Variants in ATRNL1 observed in about 807,000 individuals in gnomAD.
ATRNL1 encodes attractin like 1.
In ATRNL1, 95 loss-of-function variants were observed where a neutral mutation model predicts 182.7. The ratio of observed to expected loss-of-function variants is 0.52; its 90% CI spans 0.44 to 0.62. The LOEUF is 0.62. Among genes scored for constraint, ATRNL1 ranks in the 20% least tolerant of loss-of-function variants. The pLI is 0.00. For synonymous variants in ATRNL1, 576 were observed against 568.3 expected, an observed-to-expected ratio of 1.01 and a Z score of -0.19; for missense variants, 1,471 against 1,679.5, an observed-to-expected ratio of 0.88 and a Z score of 2.17.
intron 18 of ATRNL1, among the ~76,000 whole-genome samples, chr10:115,321,288 C>G (rs1221436372): frequency 6.6e-6 from 1 of 152,052 alleles, no homozygotes; most frequent in South Asian, 2.1e-4. Context: ...GGATCTCTGA[C>G]CTTGAGGGTC....
intron 27 of ATRNL1, among the ~76,000 whole-genome samples, chr10:115,775,945 T>G (rs1949113596): frequency 9.4e-6 from 1 of 106,594 alleles, no homozygotes; most frequent in African/African-American, 3.8e-5. Context: ...GCAATGAGAG[T>G]GAAACTCCAT....
At chr10:115,640,384 C>T (rs782632686) in intron 26 of ATRNL1, among the ~76,000 whole-genome samples, 1 of 152,182 alleles carries the variant, frequency 6.6e-6, no homozygotes, top group Non-Finnish European at 1.5e-5. Flanking sequence ...CTAATTTACA[C>T]TCCCACCAAC....
chr10:115,610,386 C>A (rs906911653), intron 26 of ATRNL1, among the ~76,000 whole-genome samples: 7 of 151,584 alleles, frequency 4.6e-5, no homozygotes, highest in African/African-American at 1.7e-4. Context: ...TCTATGACTA[C>A]AAAAAAAAGC....
At chr10:115,348,453 TAA>T (rs1170296374) in intron 19 of ATRNL1, among the ~76,000 whole-genome samples, 1 of 152,214 alleles carries the variant, frequency 6.6e-6, no homozygotes, top group Non-Finnish European at 1.5e-5. Flanking sequence ...ATAACATCAA[TAA>T]GTTTAGTATT....
At chr10:115,637,887 G>C (rs55672619) in intron 26 of ATRNL1, among the ~76,000 whole-genome samples, 1 of 151,718 alleles carries the variant, frequency 6.6e-6, no homozygotes, top group Non-Finnish European at 1.5e-5. Flanking sequence ...CCTCCCAAAG[G>C]GCTAAGATTA....
intron 8 of ATRNL1, among the ~76,000 whole-genome samples, chr10:115,173,083 G>T (rs540550780): frequency 8.1e-4 from 123 of 152,012 alleles, no homozygotes; most frequent in Non-Finnish European, 1.4e-3. Context: ...AAGTAATCAG[G>T]AGAGAATGGC....
chr10:115,281,231 T>C (rs1263693208), intron 13 of ATRNL1, 124 bp from the exon 14 acceptor site: 6 of 743,890 alleles, frequency 8.1e-6, no homozygotes, highest in African/African-American at 3.7e-5. Flanking sequence ...TCTGATTCAG[T>C]TGAATTGTAT....
intron 26 of ATRNL1, among the ~76,000 whole-genome samples, chr10:115,667,905 T>C (rs1555040183): frequency 6.6e-6 from 1 of 152,038 alleles, no homozygotes; most frequent in African/African-American, 2.4e-5. Context: ...GCTCAAGCAA[T>C]CAGCCTGCCT....
intron 28 of ATRNL1, among the ~76,000 whole-genome samples, chr10:115,898,951 CT>C (rs560691959): frequency 3.3e-3 from 494 of 151,406 alleles, no homozygotes; most frequent in African/African-American, 0.011. Flanking sequence ...TTTTCTTCTC[CT>C]TTTTTTTCTT....
intron 20 of ATRNL1, among the ~76,000 whole-genome samples, chr10:115,420,344 C>A (rs186585584): frequency 6.6e-6 from 1 of 152,058 alleles, no homozygotes; most frequent in Non-Finnish European, 1.5e-5. Flanking sequence ...GCGGCCTGGC[C>A]TCAAATTTTT....
intron 8 of ATRNL1, among the ~76,000 whole-genome samples, chr10:115,174,417 A>G (rs1181705525): frequency 2.0e-5 from 3 of 151,024 alleles, no homozygotes; most frequent in African/African-American, 7.3e-5. Context: ...GTTAAGCAAT[A>G]CTCTTATTCT....
chr10:115,235,600 T>G (rs2133805547), intron 9 of ATRNL1, among the ~76,000 whole-genome samples: 1 of 152,288 alleles, frequency 6.6e-6, no homozygotes, highest in Admixed American at 6.5e-5. Flanking sequence ...TAATATTCCA[T>G]TATCTCAATA....
intron 19 of ATRNL1, among the ~76,000 whole-genome samples, chr10:115,365,351 G>T (rs1326771003): frequency 1.3e-5 from 2 of 150,566 alleles, no homozygotes; most frequent in Non-Finnish European, 3.0e-5. Context: ...GTATTTCTGT[G>T]GGATCGGTGG....
At chr10:115,501,015 GCCTCCTGGATT>G (rs1849807657) in intron 24 of ATRNL1, among the ~76,000 whole-genome samples, 2 of 136,600 alleles carry the variant, frequency 1.5e-5, no homozygotes, top group Admixed American at 8.5e-5. Context: ...TGCAACCTCT[GCCTCCTGGATT>G]CAAGCAATTC....
intron 5 of ATRNL1, among the ~76,000 whole-genome samples, chr10:115,139,086 C>A (rs1382253039): frequency 6.6e-6 from 1 of 152,204 alleles, no homozygotes; most frequent in Admixed American, 6.5e-5. Flanking sequence ...ACCTTTGTTC[C>A]ATTTCCCAAC....
chr10:115,323,297 GT>G (rs1342257323), intron 18 of ATRNL1, among the ~76,000 whole-genome samples: 16 of 151,124 alleles, frequency 1.1e-4, no homozygotes, highest in African/African-American at 3.9e-4. Flanking sequence ...GTTATTGTAC[GT>G]TTCTACTTCA....
chr10:115,291,715 G>T (rs781938703), intron 15 of ATRNL1, among the ~76,000 whole-genome samples: 2 of 151,290 alleles, frequency 1.3e-5, no homozygotes, highest in Non-Finnish European at 2.9e-5. Flanking sequence ...ATCCTTCTTG[G>T]TCATGGTGTG....
Position 115,944,905 on chromosome 10 carries a change from T to A in ATRNL1, c.*126T>A, listed in dbSNP as rs141468910. On this transcript the variant is annotated 3_prime_UTR_variant, in exon 29 of 29. Transcript: ENST00000355044. ...ATCCAGAGCCTGAGTACAGTTTCCT[T>A]CCAAATGGACAATGACCCAGGTGGC... 1,461 of 1,155,044 alleles carry A rather than the reference T, an allele frequency of 1.3e-3. 15 individuals carry two copies. The African/African-American group carries it at 0.021, about 17-fold the overall frequency. 71.5% of individuals were successfully genotyped at this position (1,155,044 alleles called of 1,614,324 possible). A position where few individuals can be genotyped will look rare whatever the true frequency, so the allele number is the denominator to read the frequency against.
chr10:115,512,832 C>T (rs1164193688), intron 24 of ATRNL1, among the ~76,000 whole-genome samples: 3 of 151,816 alleles, frequency 2.0e-5, no homozygotes, highest in Non-Finnish European at 4.4e-5. Flanking sequence ...GCAATATTTA[C>T]GGTGAGACCT....
Sources: gnomAD v4.1 joint callset for allele counts (sites outside exome capture counted in the v4.1 genomes callset) on GRCh38, gnomAD v4.1.1 for gene constraint, MANE v1.5 for transcripts, NCBI Gene and HGNC (gene_info 2026-07-23, HGNC 2026-07-21) for gene names.